PDE1C: variants seen among roughly 807,000 people sequenced by gnomAD.
PDE1C encodes dual specificity calcium/calmodulin-dependent 3',5'-cyclic nucleotide phosphodiesterase 1C.
A neutral mutation model predicts 93.1 loss-of-function variants in PDE1C; 62 were observed. The observed-to-expected ratio is 0.67, with a 90% CI of 0.54 to 0.82. The LOEUF (loss-of-function observed/expected upper bound fraction) is 0.82, where lower values mean the gene tolerates loss of function less well. Among genes scored for constraint, PDE1C ranks in the 40% least tolerant of loss-of-function variants. The pLI, the probability that PDE1C is intolerant of heterozygous loss-of-function variation, is 0.00. For synonymous variants in PDE1C, 325 were observed against 310.1 expected (o/e 1.05, Z -0.50); for missense variants, 742 against 884.6 (o/e 0.84, Z 2.04).
rs188677997 is a variant in PDE1C, at chr7:32,288,133, A to C, written c.85+10518T>G. 5.9e-5 allele frequency among the ~76,000 whole-genome samples: 9 copies of C among 152,284 alleles called. No individual in the cohort carries two copies. The East Asian group carries it at 1.7e-3, about 29-fold the overall frequency. On this transcript the variant is annotated intron_variant, in intron 1 of 18. Transcript: ENST00000396193. ...TATGCCACTGCACTCCAGCGTGGGC[A>C]ACAGAGTGAGACTCCGTCTTAAAAA... is the stretch of plus-strand genomic sequence containing the variant.
intron 2 of PDE1C, among the ~76,000 whole-genome samples, chr7:32,201,942 T>C (rs1314015923): frequency 6.6e-6 from 1 of 152,154 alleles, no homozygotes; most frequent in East Asian, 1.9e-4. Flanking sequence ...TCTGAGACTA[T>C]GTCAGAGCAA....
intron 1 of PDE1C, among the ~76,000 whole-genome samples, chr7:32,407,471 C>T (rs384711): frequency 0.33 from 49,454 of 151,878 alleles, 8,350 homozygotes; most frequent in South Asian, 0.51. Flanking sequence ...TGCCTTCCCC[C>T]ATGATCCTCT....
the PDE1C span, among the ~76,000 whole-genome samples, chr7:31,732,038 G>T: frequency 1.3e-5 from 2 of 152,216 alleles, no homozygotes; most frequent in Admixed American, 1.3e-4. Flanking sequence ...ACGCCTGCAC[G>T]CAGATGCTCC....
At chr7:31,861,659 C>T (rs1794716198) in intron 7 of PDE1C, among the ~76,000 whole-genome samples, 2 of 152,106 alleles carry the variant, frequency 1.3e-5, no homozygotes, top group Non-Finnish European at 2.9e-5. Context: ...TTCACCACAG[C>T]AGTCCTTTGA....
chr7:31,839,948 A>G (rs1791631416), intron 9 of PDE1C, among the ~76,000 whole-genome samples: 1 of 152,132 alleles, frequency 6.6e-6, no homozygotes. Context: ...GAGACAGGAG[A>G]ATTGCTTGAA....
the PDE1C span, among the ~76,000 whole-genome samples, chr7:31,636,549 G>T: frequency 6.6e-6 from 1 of 152,002 alleles, no homozygotes; most frequent in African/African-American, 2.4e-5. Context: ...TTTTACCAAG[G>T]CTCAACCTCT....
At chr7:31,697,164 T>C in the PDE1C span, 18 of 1,596,278 alleles carry the variant, frequency 1.1e-5, no homozygotes, top group Non-Finnish European at 1.5e-5. Context: ...TGGGGACAGG[T>C]CAAGAACCTT....
chr7:32,211,157 C>T (rs887914042), intron 1 of PDE1C, among the ~76,000 whole-genome samples: 1 of 151,954 alleles, frequency 6.6e-6, no homozygotes, highest in African/African-American at 2.4e-5. Context: ...TGCAGTGAGT[C>T]GAGATTGTGC....
chr7:32,061,840 T>C (rs1276361268), intron 1 of PDE1C, among the ~76,000 whole-genome samples: 5 of 152,220 alleles, frequency 3.3e-5, no homozygotes, highest in Admixed American at 6.5e-5. Context: ...TGAGAAAATA[T>C]ACATAAATTT....
At position 32,206,123 on chromosome 7, in the gene PDE1C, A is replaced by C. The variant is rs188947847; in HGVS notation, c.136+3366T>G. On this transcript the variant is annotated intron_variant, in intron 2 of 18. Coordinates refer to the PDE1C transcript ENST00000396193. ...CAGAATTCATAATTCTGGACACAGA[A>C]TTCAAACCCCGGCTTGACCCCCAGA... 2.3e-3 allele frequency among the ~76,000 whole-genome samples: 346 copies of C among 152,238 alleles called. 3 individuals carry two copies. Among genetic ancestry groups the C allele is most frequent in the Non-Finnish European group, 4.0e-3 (274 of 68,006 alleles).
intron 2 of PDE1C, among the ~76,000 whole-genome samples, chr7:31,985,823 A>G (rs1046258887): frequency 4.6e-5 from 7 of 152,130 alleles, no homozygotes; most frequent in African/African-American, 1.4e-4. Context: ...TCTATCATTG[A>G]TGGACATTTG....
intron 2 of PDE1C, among the ~76,000 whole-genome samples, chr7:31,954,036 T>C (rs1009620874): frequency 6.6e-6 from 1 of 152,208 alleles, no homozygotes; most frequent in South Asian, 2.1e-4. Flanking sequence ...GCAAAACTCA[T>C]GAATATGAGG....
chr7:31,842,483 C>G (rs1383917209), intron 9 of PDE1C, among the ~76,000 whole-genome samples: 1 of 152,006 alleles, frequency 6.6e-6, no homozygotes, highest in Non-Finnish European at 1.5e-5. Flanking sequence ...TAGGATTGTT[C>G]AGACTTTCTG....
intron 2 of PDE1C, among the ~76,000 whole-genome samples, chr7:31,918,201 C>T (rs1006640598): frequency 1.2e-4 from 19 of 152,090 alleles, no homozygotes; most frequent in African/African-American, 4.6e-4. Flanking sequence ...AATCTCCCAC[C>T]TCACCTGTAG....
intron 1 of PDE1C, among the ~76,000 whole-genome samples, chr7:32,266,813 C>A (rs1810607316): frequency 7.1e-6 from 1 of 141,664 alleles, no homozygotes; most frequent in African/African-American, 2.7e-5. Context: ...TGAGCTCCAA[C>A]AAGAGTGTCT....
At chr7:32,003,740 C>T (rs1453536048) in intron 2 of PDE1C, among the ~76,000 whole-genome samples, 1 of 152,196 alleles carries the variant, frequency 6.6e-6, no homozygotes, top group Non-Finnish European at 1.5e-5. Context: ...AGAAGCCATT[C>T]ATTCATGTTC....
Position 32,308,538 on chromosome 7 carries a change from C to G in PDE1C, c.311-98999G>C, listed in dbSNP as rs1344729830. ...GGGTACTCCTCTGAGACAAAACTTC[C>G]AGAGGAACAATCAGGCAGCAGCATT... On this transcript the variant is annotated intron_variant, in intron 1 of 1. Transcript: ENST00000672256. 2.0e-5 allele frequency among the ~76,000 whole-genome samples: 3 copies of G among 152,296 alleles called. No individual in the cohort carries two copies. In the East Asian group the frequency reaches 5.8e-4, roughly 29 times the overall value.
At chr7:31,837,157 A>G in intron 11 of PDE1C, 23 bp downstream of exon 11, 1 of 1,609,756 alleles carries the variant, frequency 6.2e-7, no homozygotes, top group Non-Finnish European at 8.5e-7. Context: ...GACAGTCCTG[A>G]TGGAGAGAGA....
chr7:31,643,519 G>T, the PDE1C span: 2 of 1,614,018 alleles, frequency 1.2e-6, no homozygotes, highest in South Asian at 2.2e-5. Context: ...CTCCAGCCTG[G>T]TGTCGGCTGC....
Sources: gnomAD v4.1 joint callset for allele counts (sites outside exome capture counted in the v4.1 genomes callset) on GRCh38, gnomAD v4.1.1 for gene constraint, MANE v1.5 for transcripts, NCBI Gene and HGNC (gene_info 2026-07-23, HGNC 2026-07-21) for gene names.